The following BNC2 variants were observed in gnomAD, a reference collection of about 807,000 sequenced individuals.
The protein encoded by BNC2 is basonuclin zinc finger protein 2.
A neutral mutation model predicts 76.3 loss-of-function variants in BNC2; 20 were observed. The observed-to-expected ratio is 0.26, with a 90% CI of 0.18 to 0.38. BNC2 has a LOEUF of 0.38. BNC2 is among the 10% of genes least tolerant of loss of function. BNC2 has a pLI of 1.00. For synonymous variants in BNC2, 582 were observed against 514.8 expected, an observed-to-expected ratio of 1.13 and a Z score of -1.77; for missense variants, 1,382 against 1,399.8, an observed-to-expected ratio of 0.99 and a Z score of 0.20.
At chr9:16,573,275 G>C (rs1299277715) in intron 4 of BNC2, among the ~76,000 whole-genome samples, 2 of 149,622 alleles carry the variant, frequency 1.3e-5, no homozygotes, top group East Asian at 1.9e-4. Flanking sequence ...TTCAAGCCAA[G>C]ATACAGAATT....
At chr9:16,745,253 G>A (rs1019638370) in intron 1 of BNC2, among the ~76,000 whole-genome samples, 7 of 152,186 alleles carry the variant, frequency 4.6e-5, no homozygotes, top group African/African-American at 9.7e-5. Context: ...CAAAGTAGAA[G>A]ACCACAGGCC....
At chr9:16,571,861 C>A (rs1397854738) in intron 4 of BNC2, among the ~76,000 whole-genome samples, 1 of 152,018 alleles carries the variant, frequency 6.6e-6, no homozygotes, top group African/African-American at 2.4e-5. Context: ...ATATGAAGAA[C>A]TGCTTGTCAG....
intron 1 of BNC2, among the ~76,000 whole-genome samples, chr9:16,858,385 A>G (rs532894809): frequency 7.8e-4 from 119 of 152,330 alleles, no homozygotes; most frequent in African/African-American, 2.1e-3. Flanking sequence ...ACCAAATGAC[A>G]TATTTCTTGT....
intron 3 of BNC2, among the ~76,000 whole-genome samples, chr9:16,662,984 G>A (rs1051569496): frequency 6.6e-6 from 1 of 152,064 alleles, no homozygotes; most frequent in Non-Finnish European, 1.5e-5. Flanking sequence ...CCCTCAAGGA[G>A]GTTACAGTCT....
At chr9:16,553,049 G>C (rs1477310319) in intron 4 of BNC2, among the ~76,000 whole-genome samples, 1 of 151,988 alleles carries the variant, frequency 6.6e-6, no homozygotes, top group Non-Finnish European at 1.5e-5. Flanking sequence ...GTCACTGAGG[G>C]GGTTTTCAAA....
chr9:16,777,516 C>A (rs181582453), intron 1 of BNC2, among the ~76,000 whole-genome samples: 3 of 152,080 alleles, frequency 2.0e-5, no homozygotes, highest in Non-Finnish European at 4.4e-5. Flanking sequence ...CTGGCTTACA[C>A]AGTGAAACCC....
chr9:16,502,134 G>A (rs994267620), intron 5 of BNC2, among the ~76,000 whole-genome samples: 2 of 152,060 alleles, frequency 1.3e-5, no homozygotes, highest in African/African-American at 4.8e-5. Flanking sequence ...AAGTCGAGAT[G>A]GGAGGATAAC....
intron 5 of BNC2, among the ~76,000 whole-genome samples, chr9:16,532,535 C>T (rs1818014188): frequency 6.6e-6 from 1 of 152,146 alleles, no homozygotes; most frequent in Admixed American, 6.5e-5. Context: ...CTAGGGCTGG[C>T]TCATGCCAGC....
intron 1 of BNC2, among the ~76,000 whole-genome samples, chr9:16,829,029 G>C (rs10810641): frequency 0.29 from 43,705 of 151,912 alleles, 8,234 homozygotes; most frequent in East Asian, 0.89. Context: ...GAAGGGAGGC[G>C]AGCCAGGAGC....
chr9:16,670,872 C>G (rs1364946929), intron 3 of BNC2, among the ~76,000 whole-genome samples: 3 of 152,110 alleles, frequency 2.0e-5, no homozygotes, highest in Non-Finnish European at 4.4e-5. Context: ...ACTTAAAAAT[C>G]CTCTCTGTCA....
intron 3 of BNC2, among the ~76,000 whole-genome samples, chr9:16,673,117 G>C (rs959474140): frequency 1.3e-5 from 2 of 152,064 alleles, no homozygotes; most frequent in African/African-American, 4.8e-5. Flanking sequence ...TCATATAAAA[G>C]ATAATGAATG....
At chr9:16,753,001 C>T (rs1250085884) in intron 1 of BNC2, among the ~76,000 whole-genome samples, 1 of 152,114 alleles carries the variant, frequency 6.6e-6, no homozygotes, top group Non-Finnish European at 1.5e-5. Flanking sequence ...TTCCATGTCC[C>T]TCAACATCAT....
intron 3 of BNC2, among the ~76,000 whole-genome samples, chr9:16,705,517 C>A (rs1823641917): frequency 6.6e-6 from 1 of 152,176 alleles, no homozygotes; most frequent in African/African-American, 2.4e-5. Flanking sequence ...ACACACTGCG[C>A]AGGCCATTTG....
intron 3 of BNC2, among the ~76,000 whole-genome samples, chr9:16,669,883 CTT>C (rs935981168): frequency 6.6e-6 from 1 of 152,156 alleles, no homozygotes; most frequent in African/African-American, 2.4e-5. Flanking sequence ...CGGTAGGAAA[CTT>C]TGATGTGGTT....
chr9:16,779,696 G>A (rs1051826360), intron 1 of BNC2, among the ~76,000 whole-genome samples: 2 of 152,154 alleles, frequency 1.3e-5, no homozygotes, highest in Non-Finnish European at 2.9e-5. Flanking sequence ...CAACATGGAT[G>A]AACCTTGAAA....
intron 3 of BNC2, among the ~76,000 whole-genome samples, chr9:16,699,349 G>C (rs1587329094): frequency 1.3e-5 from 2 of 152,072 alleles, no homozygotes; most frequent in African/African-American, 4.8e-5. Context: ...CTTGCTTCTG[G>C]GTTACCATAA....
chr9:16,600,866 G>A (rs1175020386), intron 3 of BNC2, among the ~76,000 whole-genome samples: 1 of 152,168 alleles, frequency 6.6e-6, no homozygotes, highest in Non-Finnish European at 1.5e-5. Flanking sequence ...GTTGTCAGGT[G>A]TCCTACCTTT....
At chr9:16,442,368 A>G (rs987722531) in intron 5 of BNC2, among the ~76,000 whole-genome samples, 2 of 152,230 alleles carry the variant, frequency 1.3e-5, no homozygotes, top group African/African-American at 4.8e-5. Context: ...ACTGGTGATT[A>G]TCACTTGTAG....
In BNC2 at chr9:16,552,545, T is replaced by C; in HGVS notation, c.654A>G (p.Arg218=). 1.2e-6 allele frequency: 2 copies of C among 1,614,182 alleles called. No homozygotes were observed. The stretch of plus-strand genomic sequence containing the variant: ...CTCTCCCTACCTGAAGGATGTATCC[T>C]CGGACATAGTCCCGCAGAGTCCAGC... ...GLGWTLRDYV[R]GYILQDAAGK... is the part of the protein sequence containing the mutation. Residue 218 remains arginine (R), a synonymous_variant, in exon 5 of 7, where the codon CGA becomes CGG. Transcript: ENST00000380672.
Sources: gnomAD v4.1 joint callset for allele counts (sites outside exome capture counted in the v4.1 genomes callset) on GRCh38, gnomAD v4.1.1 for gene constraint, MANE v1.5 for transcripts, NCBI Gene and HGNC (gene_info 2026-07-23, HGNC 2026-07-21) for gene names.